The following MORN2 variants were observed in gnomAD, a reference collection of about 807,000 sequenced individuals.
MORN2 encodes the protein MORN repeat-containing protein 2.
In MORN2, 15 loss-of-function variants were observed where a neutral mutation model predicts 13.4. The observed-to-expected ratio is 1.12, with a 90% CI of 0.75 to 1.72. MORN2 has a LOEUF of 1.72. MORN2 is among the 40% of genes most tolerant of loss of function. The probability of loss-of-function intolerance (pLI) is 0.00; values close to 1 mark genes in which losing one functional copy is unlikely to be tolerated. For missense variants in MORN2, 168 were observed against 134.6 expected, an observed-to-expected ratio of 1.25 and a Z score of -1.23; for synonymous variants, 46 against 43.6, an observed-to-expected ratio of 1.06 and a Z score of -0.22.
Position 38,881,438 on chromosome 2 carries a change from A to G in MORN2, c.217-4A>G. ...TCTAAGGTAATTTCCTTTGTTACAAACAGATGAATGGTTTTGGAAGACTTG... is the reference window on the plus strand; with the variant it reads ...TCTAAGGTAATTTCCTTTGTTACAAGCAGATGAATGGTTTTGGAAGACTTG... On this transcript the variant is annotated splice_polypyrimidine_tract_variant and splice_region_variant and intron_variant, in intron 3 of 4. Coordinates refer to ENST00000644631, the MANE Select transcript of MORN2 (RefSeq NM_001145450.3). The G allele has an allele frequency of 6.5e-7, 1 of 1,531,784 alleles. No individual in the cohort carries two copies. The highest frequency in any genetic ancestry group is 2.2e-5 in the Admixed American group (1 of 45,180). 94.9% of individuals were successfully genotyped at this position (1,531,784 alleles called of 1,614,324 possible). A position where few individuals can be genotyped will look rare whatever the true frequency, so the allele number is the denominator to read the frequency against.
chr2:38,882,179 G>A (rs1311265395), intron 4 of MORN2, among the ~76,000 whole-genome samples: 1 of 148,736 alleles, frequency 6.7e-6, no homozygotes, highest in Admixed American at 6.7e-5. Context: ...TAAAATCTTG[G>A]ACACCAAATA....
chr2:38,878,590 T>A (rs1450574309), intron 1 of MORN2, among the ~76,000 whole-genome samples: 2 of 152,200 alleles, frequency 1.3e-5, no homozygotes, highest in Non-Finnish European at 2.9e-5. Flanking sequence ...AGCACATTTT[T>A]CAACCTAATG....
Position 38,880,654 on chromosome 2 carries a change from T to C in MORN2, c.164T>C (p.Ile55Thr), listed in dbSNP as rs1665752825. The change falls in exon 3 of 5, where the codon ATT becomes ACT. Residue 55 changes from isoleucine to threonine, a missense_variant. Ile to Thr is a moderately conservative substitution (Grantham distance 89). Transcript: ENST00000644631. Reference sequence around the variant, plus strand: ...ATCTACGAGAGAAATGGAATAGGTATTCATACCACTCCTAATGGGATTGTC... The same window carrying C: ...ATCTACGAGAGAAATGGAATAGGTACTCATACCACTCCTAATGGGATTGTC... 1 of 1,548,800 alleles carries C rather than the reference T, an allele frequency of 6.5e-7. No homozygotes were observed. The highest frequency in any genetic ancestry group is 1.4e-5 in the African/African-American group (1 of 72,918).
At chr2:38,882,336 T>C (rs1175502626) in intron 4 of MORN2, 77 bp from the exon 5 acceptor site, 5 of 858,022 alleles carry the variant, frequency 5.8e-6, no homozygotes, top group Non-Finnish European at 8.9e-6. Context: ...ATAGTATATA[T>C]TATGCTAGAA....
chr2:38,876,227 T>C (rs1261305231), intron 1 of MORN2, 117 bp downstream of exon 1: 10 of 397,364 alleles, frequency 2.5e-5, no homozygotes, highest in African/African-American at 4.1e-5. Flanking sequence ...ATATATTTCC[T>C]GACCGTCTAG....
intron 1 of MORN2, among the ~76,000 whole-genome samples, chr2:38,876,441 C>T (rs75649204): frequency 0.018 from 2,687 of 152,304 alleles, 43 homozygotes; most frequent in Non-Finnish European, 0.028. Flanking sequence ...GAAAACAGTC[C>T]AGTTTCTGAT....
intron 1 of MORN2, among the ~76,000 whole-genome samples, chr2:38,876,698 G>T (rs1204807407): frequency 2.0e-5 from 3 of 152,180 alleles, no homozygotes; most frequent in Non-Finnish European, 4.4e-5. Context: ...TGCCGTGGGG[G>T]TTCCTGAAGG....
intron 3 of MORN2, among the ~76,000 whole-genome samples, chr2:38,881,195 A>G (rs1665768409): frequency 6.6e-6 from 1 of 152,134 alleles, no homozygotes; most frequent in South Asian, 2.1e-4. Flanking sequence ...ACCCCTATTT[A>G]TCTTCATCAT....
intron 1 of MORN2, among the ~76,000 whole-genome samples, chr2:38,878,792 C>T (rs1043708311): frequency 2.6e-5 from 4 of 152,162 alleles, no homozygotes; most frequent in Non-Finnish European, 4.4e-5. Flanking sequence ...TTTAAGTCCT[C>T]TACCTATTGT....
intron 1 of MORN2, among the ~76,000 whole-genome samples, chr2:38,877,438 C>G (rs1333865577): frequency 6.6e-6 from 1 of 152,058 alleles, no homozygotes; most frequent in African/African-American, 2.4e-5. Context: ...ATACTTCACC[C>G]TTTATCCACA....
At chr2:38,879,979 T>A (rs1665739032) in intron 1 of MORN2, among the ~76,000 whole-genome samples, 200 bp from the exon 2 acceptor site, 1 of 152,164 alleles carries the variant, frequency 6.6e-6, no homozygotes, top group Non-Finnish European at 1.5e-5. Context: ...GCACATTGGG[T>A]ATAGGTCTTA....
chr2:38,881,709 G>A (rs1665782007), intron 4 of MORN2, 131 bp downstream of exon 4: 3 of 742,594 alleles, frequency 4.0e-6, no homozygotes, highest in Non-Finnish European at 5.9e-6. Flanking sequence ...GGAGTGCAGT[G>A]GAGTGATCTC....
chr2:38,882,437 TG>T lies in MORN2; in HGVS notation c.379del (p.Asp127IlefsTer5). ...GGGTGGAAGGTGAAGGGGAATATACTGATATCCAAGGACTAGAATGGAGTGG... is the reference window on the plus strand; with the variant it reads ...GGGTGGAAGGTGAAGGGGAATATACTATATCCAAGGACTAGAATGGAGTGG... On this transcript the variant is annotated frameshift_variant, in exon 5 of 5. Transcript: ENST00000644631. LOFTEE classifies it high-confidence loss of function. 6.4e-7 allele frequency: 1 copy of T among 1,550,526 alleles called. No individual in the cohort carries two copies. The highest frequency in any genetic ancestry group is 8.7e-7 in the Non-Finnish European group (1 of 1,146,152).
intron 1 of MORN2, among the ~76,000 whole-genome samples, chr2:38,877,319 TAAA>T (rs986059946): frequency 4.6e-5 from 7 of 151,488 alleles, no homozygotes; most frequent in African/African-American, 1.5e-4. Context: ...AATTAAAAAA[TAAA>T]AAAGAAAGAA....
intron 4 of MORN2, among the ~76,000 whole-genome samples, 165 bp downstream of exon 4, chr2:38,881,743 C>T (rs749684192): frequency 9.9e-5 from 15 of 152,116 alleles, no homozygotes; most frequent in Non-Finnish European, 1.9e-4. Flanking sequence ...CTCTGCCTCC[C>T]GGGTTCAAGC....
At position 38,882,640 on chromosome 2, in the gene MORN2, C is replaced by A; in HGVS notation, c.*125C>A. Reference sequence around the variant, plus strand: ...TATAAGTTTGCCAATAAAACCATCACCTGCTTACACCTTTTTGAACTTTAT... The same window carrying A: ...TATAAGTTTGCCAATAAAACCATCAACTGCTTACACCTTTTTGAACTTTAT... On this transcript the variant is annotated 3_prime_UTR_variant, in exon 5 of 5. Transcript: ENST00000644631. 1 of 567,290 alleles carries A rather than the reference C, an allele frequency of 1.8e-6. No individual in the cohort carries two copies. The highest frequency in any genetic ancestry group is 2.6e-5 in the South Asian group (1 of 38,836). 35.1% of individuals were successfully genotyped at this position (567,290 alleles called of 1,614,324 possible).
At chr2:38,878,237 C>T (rs1665700374) in intron 1 of MORN2, among the ~76,000 whole-genome samples, 1 of 152,062 alleles carries the variant, frequency 6.6e-6, no homozygotes, top group South Asian at 2.1e-4. Flanking sequence ...AATGTCAGTC[C>T]TTTGTAGTTT....
At chr2:38,880,562 T>A in intron 2 of MORN2, 38 bp from the exon 3 acceptor site, 1 of 1,373,442 alleles carries the variant, frequency 7.3e-7, no homozygotes, top group South Asian at 1.5e-5. Flanking sequence ...GACATAACTA[T>A]TCTCATTTAT....
At chr2:38,882,220 GTTTTT>G (rs772520161) in intron 4 of MORN2, among the ~76,000 whole-genome samples, 188 bp from the exon 5 acceptor site, 15 of 107,682 alleles carry the variant, frequency 1.4e-4, no homozygotes, top group Admixed American at 6.5e-4. Context: ...ATAGTATGTG[GTTTTT>G]TTTTTTTTTT....
Sources: gnomAD v4.1 joint callset for allele counts (sites outside exome capture counted in the v4.1 genomes callset) on GRCh38, gnomAD v4.1.1 for gene constraint, MANE v1.5 for transcripts, NCBI Gene and HGNC (gene_info 2026-07-23, HGNC 2026-07-21) for gene names.